The following WASF1 variants were observed in gnomAD, a reference collection of about 807,000 sequenced individuals.
The protein encoded by WASF1 is WASP family member 1.
A neutral mutation model predicts 50.5 loss-of-function variants in WASF1; 7 were observed. That is an observed-to-expected ratio of 0.14 (90% CI 0.08 to 0.26). The LOEUF (loss-of-function observed/expected upper bound fraction) is 0.26, where lower values mean the gene tolerates loss of function less well. Among genes scored for constraint, WASF1 ranks in the 10% least tolerant of loss-of-function variants. The pLI is 1.00. For missense variants in WASF1, 470 were observed against 694.7 expected (o/e 0.68, Z 3.64); for synonymous variants, 205 against 244.0 (o/e 0.84, Z 1.49).
intron 2 of WASF1, among the ~76,000 whole-genome samples, chr6:110,175,616 TTTTCATTTTA>T (rs1776896771): frequency 6.6e-6 from 1 of 152,174 alleles, no homozygotes; most frequent in African/African-American, 2.4e-5. Context: ...TACTTCTACC[TTTTCATTTTA>T]TAATCAAACA....
At chr6:110,164,715 T>C (rs1249033148) in intron 2 of WASF1, among the ~76,000 whole-genome samples, 3 of 151,496 alleles carry the variant, frequency 2.0e-5, no homozygotes, top group African/African-American at 7.3e-5. Context: ...CCCAAAGAGG[T>C]GAAAACTTAC....
intron 2 of WASF1, among the ~76,000 whole-genome samples, chr6:110,176,784 C>T (rs1486879878): frequency 6.6e-6 from 1 of 152,070 alleles, no homozygotes; most frequent in Non-Finnish European, 1.5e-5. Context: ...GTGACGGTGT[C>T]AGCTAAATTT....
chr6:110,132,039 T>G (rs776006166), intron 3 of WASF1, among the ~76,000 whole-genome samples: 2 of 152,160 alleles, frequency 1.3e-5, no homozygotes, highest in Non-Finnish European at 2.9e-5. Context: ...ACATAATACA[T>G]TGCTCCAACT....
At chr6:110,175,843 C>T (rs527345125) in intron 2 of WASF1, among the ~76,000 whole-genome samples, 13 of 152,214 alleles carry the variant, frequency 8.5e-5, no homozygotes, top group African/African-American at 2.9e-4. Context: ...TTTCAGGGTA[C>T]ATCTGAAACT....
At chr6:110,171,137 T>A (rs1776696735) in intron 2 of WASF1, among the ~76,000 whole-genome samples, 1 of 152,154 alleles carries the variant, frequency 6.6e-6, no homozygotes, top group Admixed American at 6.5e-5. Context: ...CATGTTATTC[T>A]CAAGCTCACA....
At chr6:110,161,057 A>T (rs548217402) in intron 2 of WASF1, among the ~76,000 whole-genome samples, 1 of 151,672 alleles carries the variant, frequency 6.6e-6, no homozygotes, top group East Asian at 1.9e-4. Flanking sequence ...CTGACTGGAA[A>T]ATCTTTAGCT....
At chr6:110,164,797 G>A (rs1049778586) in intron 2 of WASF1, among the ~76,000 whole-genome samples, 1 of 151,440 alleles carries the variant, frequency 6.6e-6, no homozygotes, top group Non-Finnish European at 1.5e-5. Flanking sequence ...GAACCAACCA[G>A]TATGTCCTCG....
At chr6:110,164,626 G>C (rs970123027) in intron 2 of WASF1, among the ~76,000 whole-genome samples, 1 of 151,592 alleles carries the variant, frequency 6.6e-6, no homozygotes, top group Non-Finnish European at 1.5e-5. Flanking sequence ...ATGCATAATT[G>C]GAAGACAGTT....
At chr6:110,166,404 C>A (rs1776479296) in intron 2 of WASF1, among the ~76,000 whole-genome samples, 2 of 151,774 alleles carry the variant, frequency 1.3e-5, no homozygotes. Flanking sequence ...CCAAGACTAT[C>A]CTGAAGACAA....
chr6:110,165,899 T>C (rs981005241), intron 2 of WASF1, among the ~76,000 whole-genome samples: 1 of 151,702 alleles, frequency 6.6e-6, no homozygotes, highest in African/African-American at 2.4e-5. Context: ...CGTGCACCCT[T>C]CTAGCTCCCT....
chr6:110,178,846 G>C (rs1043438407), intron 1 of WASF1, 104 bp from the exon 2 acceptor site: 18 of 152,502 alleles, frequency 1.2e-4, no homozygotes, highest in African/African-American at 4.3e-4. Context: ...CATGAGCGCT[G>C]AGTGAGCGGC....
At chr6:110,109,748 G>A (rs1022824842) in intron 5 of WASF1, among the ~76,000 whole-genome samples, 2 of 150,970 alleles carry the variant, frequency 1.3e-5, no homozygotes, top group Admixed American at 6.6e-5. Flanking sequence ...TTTTAGTAGA[G>A]ATGAGGGTTC....
chr6:110,123,054 C>G (rs916288132), intron 4 of WASF1, among the ~76,000 whole-genome samples: 2 of 152,100 alleles, frequency 1.3e-5, no homozygotes, highest in Non-Finnish European at 2.9e-5. Flanking sequence ...CTTGCTTTAT[C>G]TATATCTGTC....
chr6:110,173,691 CTG>C (rs1446690106), intron 2 of WASF1, among the ~76,000 whole-genome samples: 3 of 152,190 alleles, frequency 2.0e-5, no homozygotes, highest in African/African-American at 7.2e-5. Context: ...AGTCAGGACT[CTG>C]TGCATCTGCT....
At chr6:110,108,731 T>G in intron 5 of WASF1, 50 bp from the exon 6 acceptor site, 2 of 1,542,836 alleles carry the variant, frequency 1.3e-6, no homozygotes, top group Non-Finnish European at 1.8e-6. Context: ...TAAGATGATT[T>G]AACATAAGGG....
At chr6:110,123,883 C>A (rs1224548798) in intron 4 of WASF1, among the ~76,000 whole-genome samples, 1 of 152,146 alleles carries the variant, frequency 6.6e-6, no homozygotes. Flanking sequence ...GCAATAAGAA[C>A]TGACTATATT....
At chr6:110,100,808 T>C (rs767585020) in intron 10 of WASF1, 129 bp from the exon 11 acceptor site, 2 of 1,135,766 alleles carry the variant, frequency 1.8e-6, no homozygotes, top group Non-Finnish European at 1.2e-6. Context: ...CAGAAAAGAA[T>C]GTGAAGAAAT....
At chr6:110,108,416 G>C in intron 6 of WASF1, 112 bp downstream of exon 6, 1 of 1,074,068 alleles carries the variant, frequency 9.3e-7, no homozygotes, top group East Asian at 2.5e-5. Context: ...TGGACAGAGA[G>C]GGCTCTCTGT....
intron 2 of WASF1, among the ~76,000 whole-genome samples, chr6:110,172,028 AAAC>A (rs752020684): frequency 7.8e-4 from 119 of 152,318 alleles, no homozygotes; most frequent in Non-Finnish European, 1.5e-3. Context: ...AAAAGTCAGG[AAAC>A]AACAGATGCT....
Sources: gnomAD v4.1 joint callset for allele counts (sites outside exome capture counted in the v4.1 genomes callset) on GRCh38, gnomAD v4.1.1 for gene constraint, MANE v1.5 for transcripts, NCBI Gene and HGNC (gene_info 2026-07-23, HGNC 2026-07-21) for gene names.